Variants in OTUB2 observed in about 807,000 individuals in gnomAD.
OTUB2 encodes ubiquitin thioesterase OTUB2.
A neutral mutation model predicts 25.1 loss-of-function variants in OTUB2; 21 were observed. The observed-to-expected ratio is 0.84, with a 90% confidence interval of 0.59 to 1.21. The LOEUF is 1.21. Ranked by LOEUF, OTUB2 falls within the 50% of genes most tolerant of loss-of-function variation. The pLI is 0.00. For missense variants in OTUB2, 283 were observed against 298.0 expected (o/e 0.95, Z 0.37); for synonymous variants, 122 against 122.8 (o/e 0.99, Z 0.04).
intron 3 of OTUB2, among the ~76,000 whole-genome samples, chr14:94,042,252 C>G (rs941887434): frequency 1.3e-5 from 2 of 152,200 alleles, no homozygotes; most frequent in East Asian, 1.9e-4. Flanking sequence ...TGCCAGAGGT[C>G]CCACACAGGC....
intron 4 of OTUB2, 60 bp downstream of exon 4, chr14:94,044,115 G>GTGTAGGGGCTCCAGCCAGT: frequency 6.7e-7 from 1 of 1,491,362 alleles, no homozygotes. Context: ...GGCACTGGCT[G>GTGTAGGGGCTCCAGCCAGT]GAGCCCCTAC....
At position 94,026,514 on chromosome 14, in the gene OTUB2, C is replaced by G; in HGVS notation, c.-24C>G. 1 of 1,285,688 alleles carries G rather than the reference C, an allele frequency of 7.8e-7. No individual in the cohort carries two copies. Among genetic ancestry groups the G allele is most frequent in the South Asian group, 2.4e-5 (1 of 41,170 alleles). The allele number at this position is 1,285,688 out of a possible 1,614,324, so 79.6% of individuals were successfully genotyped here. On this transcript the variant is annotated 5_prime_UTR_variant, in exon 1 of 6. Coordinates refer to ENST00000203664, the MANE Select transcript of OTUB2 (RefSeq NM_023112.4). ...CGGATCGCTCCTCGCTGGGGCGGGA[C>G]CTGGCCTGGCGGCTCTGGTCACTAT...
chr14:94,034,633 A>G (rs1327500026), intron 1 of OTUB2, among the ~76,000 whole-genome samples: 1 of 152,214 alleles, frequency 6.6e-6, no homozygotes, highest in Non-Finnish European at 1.5e-5. Context: ...AGCCTAGCAC[A>G]TAGTATTTGC....
chr14:94,036,803 T>C (rs774036286), intron 1 of OTUB2, among the ~76,000 whole-genome samples: 9 of 152,126 alleles, frequency 5.9e-5, no homozygotes, highest in African/African-American at 9.7e-5. Context: ...TCTGACACCT[T>C]CTCTGGCATC....
chr14:94,044,184 T>G, intron 4 of OTUB2, 129 bp downstream of exon 4: 1 of 918,742 alleles, frequency 1.1e-6, no homozygotes, highest in Non-Finnish European at 1.8e-6. Context: ...TTCCTGCTTG[T>G]GGGGGTGTGT....
chr14:94,034,476 T>C (rs1296683658), intron 1 of OTUB2, among the ~76,000 whole-genome samples: 1 of 152,212 alleles, frequency 6.6e-6, no homozygotes, highest in East Asian at 1.9e-4. Flanking sequence ...AGAATTTCCA[T>C]GGGCTTCAGA....
At chr14:94,032,872 G>C (rs972681525) in intron 1 of OTUB2, among the ~76,000 whole-genome samples, 7 of 152,284 alleles carry the variant, frequency 4.6e-5, no homozygotes, top group Middle Eastern at 6.8e-3. Flanking sequence ...CTGAAGGTGT[G>C]GTGAGCTCAG....
chr14:94,032,312 G>T (rs1463612473), intron 1 of OTUB2, among the ~76,000 whole-genome samples: 1 of 152,064 alleles, frequency 6.6e-6, no homozygotes, highest in Non-Finnish European at 1.5e-5. Context: ...ATAGTGTGGA[G>T]TAAAGGGAAA....
rs1212390760 is a variant in OTUB2 at position 94,039,029 on chromosome 14, T to C, written c.166T>C (p.Leu56=). ...KGDGNCFYRA[L]GYSYLESLLG... is the part of the protein sequence containing the mutation. ...GGATGGGAACTGCTTCTACAGGGCCTTGGGCTATTCCTACCTGGAGTCCCT... is the reference window on the plus strand; with the variant it reads ...GGATGGGAACTGCTTCTACAGGGCCCTGGGCTATTCCTACCTGGAGTCCCT... The change falls in exon 3 of 6, where the codon TTG becomes CTG. Residue 56 remains leucine (L), a synonymous_variant. Coordinates refer to ENST00000203664, the MANE Select transcript of OTUB2 (RefSeq NM_023112.4). The C allele has an allele frequency of 2.5e-6, 4 of 1,614,104 alleles. No individual in the cohort carries two copies. Among genetic ancestry groups the C allele is most frequent in the Middle Eastern group, 3.3e-4 (2 of 6,082 alleles).
At chr14:94,038,129 A>G (rs1342451392) in intron 2 of OTUB2, among the ~76,000 whole-genome samples, 1 of 152,340 alleles carries the variant, frequency 6.6e-6, no homozygotes, top group East Asian at 1.9e-4. Flanking sequence ...GACACGCAGC[A>G]CCGTTGCTGG....
At position 94,046,357 on chromosome 14, in the gene OTUB2, C is replaced by A; in HGVS notation, c.*435C>A. On this transcript the variant is annotated 3_prime_UTR_variant, in exon 6 of 6. Transcript: ENST00000203664. Reference sequence around the variant, plus strand: ...GTCTTAACCCAAGTGACTTACCAGGCCTACAAAAGAGTCCAGTCCAGTCAC... The same window carrying A: ...GTCTTAACCCAAGTGACTTACCAGGACTACAAAAGAGTCCAGTCCAGTCAC... The A allele has an allele frequency of 4.5e-6, 1 of 221,946 alleles. No individual in the cohort carries two copies. The highest frequency in any genetic ancestry group is 9.1e-6 in the Non-Finnish European group (1 of 109,788). The allele number at this position is 221,946 out of a possible 1,614,324, so 13.7% of individuals were successfully genotyped here.
chr14:94,045,789 T>A lies in OTUB2; in HGVS notation c.572T>A (p.Leu191Gln). 1.9e-6 allele frequency: 3 copies of A among 1,614,224 alleles called. No individual in the cohort carries two copies. The South Asian group carries it at 3.3e-5, about 18-fold the overall frequency. ...TALSQALSIALQVEYVDEMDT... is the reference protein window; with the variant it reads ...TALSQALSIAQQVEYVDEMDT... ...TTGTCGCAGGCCCTGAGCATTGCCC[T>A]GCAAGTGGAGTACGTGGACGAGATG... The change falls in exon 6 of 6, where the codon CTG (leucine) becomes CAG (glutamine). Residue 191 changes from leucine (L) to glutamine (Q), a missense_variant. Physicochemically the swap from Leu to Gln is moderately radical, Grantham distance 113 (BLOSUM62 -2). Coordinates refer to ENST00000203664, the MANE Select transcript of OTUB2 (RefSeq NM_023112.4).
rs1460508474 is a variant in OTUB2, at chr14:94,047,602, ATCT to A, written c.*1682_*1684del. The A allele has an allele frequency of 6.6e-6, 1 of 152,238 alleles. No individual in the cohort carries two copies. The highest frequency in any genetic ancestry group is 1.5e-5 in the Non-Finnish European group (1 of 68,052). 9.4% of individuals were successfully genotyped at this position (152,238 alleles called of 1,614,324 possible). On this transcript the variant is annotated 3_prime_UTR_variant, in exon 6 of 6. Transcript: ENST00000203664. ...CATGACATGATTTGTGAATATCATC[ATCT>A]TTGCCAGACAAGTCTCCAGGGGATC...
intron 3 of OTUB2, chr14:94,039,382 G>T (rs1459459217): frequency 2.7e-6 from 1 of 377,102 alleles, no homozygotes; most frequent in South Asian, 4.9e-5. Context: ...GACCCACTCT[G>T]AAAAGAAAAG....
chr14:94,030,579 G>C (rs566568529), intron 1 of OTUB2, among the ~76,000 whole-genome samples: 140 of 152,190 alleles, frequency 9.2e-4, no homozygotes, highest in African/African-American at 3.1e-3. Flanking sequence ...ACTGACCCGG[G>C]GGGGAAGCCT....
chr14:94,044,738 C>A lies in OTUB2; in HGVS notation c.456C>A (p.His152Gln). ...GGAACCGAGCAGACTTCTTCCGGCA[C>A]TTCATTGATGAGGAGATGGACATCA... is the stretch of plus-strand genomic sequence containing the variant. ...FIRNRADFFR[H>Q]FIDEEMDIKD... The change falls in exon 5 of 6, where the codon CAC (histidine) becomes CAA (glutamine). Residue 152 changes from histidine to glutamine, a missense_variant. Physicochemically the swap from His to Gln is conservative, Grantham distance 24. Coordinates refer to ENST00000203664, the MANE Select transcript of OTUB2 (RefSeq NM_023112.4). 1 of 1,613,826 alleles carries A rather than the reference C, an allele frequency of 6.2e-7. No homozygotes were observed. Among genetic ancestry groups the A allele is most frequent in the Non-Finnish European group, 8.5e-7 (1 of 1,180,030 alleles).
chr14:94,039,038 T>A lies in OTUB2; in HGVS notation c.175T>A (p.Ser59Thr). 1 of 1,614,194 alleles carries A rather than the reference T, an allele frequency of 6.2e-7. No homozygotes were observed. Among genetic ancestry groups the A allele is most frequent in the Non-Finnish European group, 8.5e-7 (1 of 1,180,034 alleles). The change falls in exon 3 of 6, where the codon TCC becomes ACC. Residue 59 changes from serine to threonine, a missense_variant. Ser to Thr is a moderately conservative substitution (Grantham distance 58). Coordinates refer to ENST00000203664, the MANE Select transcript of OTUB2 (RefSeq NM_023112.4). ...GNCFYRALGY[S>T]YLESLLGKSR... ...CTGCTTCTACAGGGCCTTGGGCTAT[T>A]CCTACCTGGAGTCCCTGCTGGGGAA...
chr14:94,041,736 C>T (rs550033831), intron 3 of OTUB2, among the ~76,000 whole-genome samples: 1 of 152,196 alleles, frequency 6.6e-6, no homozygotes, highest in African/African-American at 2.4e-5. Context: ...CTACACACAC[C>T]AGAGCTTGCA....
At position 94,045,418 on chromosome 14, in the gene OTUB2, C is replaced by T. The variant is rs149880976; in HGVS notation, c.499-298C>T. ...GATGCCCAACCTGAAAAATGTCTGC[C>T]CCCCGTTTCCAGATCCCTCTAAATT... is the stretch of plus-strand genomic sequence containing the variant. On this transcript the variant is annotated intron_variant, in intron 5 of 5. Coordinates refer to ENST00000203664, the MANE Select transcript of OTUB2 (RefSeq NM_023112.4). Among the ~76,000 whole-genome samples, 14 of 152,292 alleles carry T rather than the reference C, an allele frequency of 9.2e-5. No individual in the cohort carries two copies. The South Asian group carries it at 2.1e-3, about 23-fold the overall frequency.
Sources: gnomAD v4.1 joint callset for allele counts (sites outside exome capture counted in the v4.1 genomes callset) on GRCh38, gnomAD v4.1.1 for gene constraint, MANE v1.5 for transcripts, NCBI Gene and HGNC (gene_info 2026-07-23, HGNC 2026-07-21) for gene names.